NRXN1: variants seen among roughly 807,000 people sequenced by gnomAD.
NRXN1 encodes the protein neurexin-1.
In NRXN1, 39 loss-of-function variants were observed where a neutral mutation model predicts 150.9. That is an observed-to-expected ratio of 0.26 (90% CI 0.20 to 0.34). NRXN1 has a LOEUF of 0.34. NRXN1 is among the 10% of genes least tolerant of loss of function. The probability of loss-of-function intolerance (pLI) is 1.00; values close to 1 mark genes in which losing one functional copy is unlikely to be tolerated. For missense variants in NRXN1, 1,815 were observed against 1,949.9 expected (o/e 0.93, Z 1.30); for synonymous variants, 924 against 757.0 (o/e 1.22, Z -3.62).
chr2:50,679,946 A>C (rs567723071), intron 5 of NRXN1, among the ~76,000 whole-genome samples: 24 of 152,162 alleles, frequency 1.6e-4, no homozygotes, highest in Admixed American at 1.5e-3. Context: ...CAGCCTGGGA[A>C]ACATGGCAAA....
At chr2:50,146,548 A>G (rs1343890767) in intron 18 of NRXN1, among the ~76,000 whole-genome samples, 2 of 151,650 alleles carry the variant, frequency 1.3e-5, no homozygotes, top group Non-Finnish European at 3.0e-5. Flanking sequence ...TTTTTAAATG[A>G]TTATTTTGCC....
chr2:50,392,249 G>A (rs527559225), intron 17 of NRXN1, among the ~76,000 whole-genome samples: 4 of 152,206 alleles, frequency 2.6e-5, no homozygotes, highest in Non-Finnish European at 4.4e-5. Context: ...ACCTTCTCAG[G>A]TAGGCTTTTT....
chr2:50,679,234 G>C lies in NRXN1; in HGVS notation c.833-55619C>G, dbSNP rs192896905. Reference sequence around the variant, plus strand: ...TACCAAGTAGGGACTCCAGGTGATGGGATAGGTTTTGAGCATGGGGAGACA... The same window carrying C: ...TACCAAGTAGGGACTCCAGGTGATGCGATAGGTTTTGAGCATGGGGAGACA... On this transcript the variant is annotated intron_variant, in intron 5 of 22. Transcript: ENST00000401669. 2.0e-5 allele frequency among the ~76,000 whole-genome samples: 3 copies of C among 152,208 alleles called. No individual in the cohort carries two copies. The East Asian group carries it at 5.8e-4, about 29-fold the overall frequency.
chr2:50,527,154 A>G (rs1035282002), intron 12 of NRXN1, among the ~76,000 whole-genome samples: 1 of 152,198 alleles, frequency 6.6e-6, no homozygotes, highest in Non-Finnish European at 1.5e-5. Flanking sequence ...GTAGAGGTCT[A>G]GAAAGGAATA....
At chr2:50,210,966 G>C (rs1347071281) in intron 18 of NRXN1, among the ~76,000 whole-genome samples, 1 of 151,570 alleles carries the variant, frequency 6.6e-6, no homozygotes, top group East Asian at 1.9e-4. Flanking sequence ...ATAGTTACTA[G>C]AAATTCCCAA....
chr2:50,189,105 T>G (rs190645929), intron 18 of NRXN1, among the ~76,000 whole-genome samples: 47 of 152,198 alleles, frequency 3.1e-4, no homozygotes, highest in African/African-American at 1.1e-3. Flanking sequence ...TAGCAAAGAC[T>G]TGGAACCAAC....
chr2:50,001,385 A>G (rs1683898790), intron 21 of NRXN1, among the ~76,000 whole-genome samples: 1 of 152,162 alleles, frequency 6.6e-6, no homozygotes, highest in Non-Finnish European at 1.5e-5. Context: ...AATTAAGGAG[A>G]TGAAGTGAAT....
chr2:50,113,936 T>G (rs937118927), intron 18 of NRXN1, among the ~76,000 whole-genome samples: 1 of 152,162 alleles, frequency 6.6e-6, no homozygotes, highest in East Asian at 1.9e-4. Context: ...TGTGGGATGC[T>G]ATAGAAGATA....
intron 17 of NRXN1, among the ~76,000 whole-genome samples, chr2:50,316,068 A>T (rs889863176): frequency 2.0e-5 from 3 of 152,066 alleles, no homozygotes; most frequent in African/African-American, 7.2e-5. Context: ...TGATTACAGT[A>T]TGGAGAAACA....
intron 18 of NRXN1, 133 bp from the exon 19 acceptor site, chr2:50,091,627 A>C (rs1323679422): frequency 1.6e-5 from 14 of 886,272 alleles, no homozygotes; most frequent in Admixed American, 4.0e-5. Flanking sequence ...CTTCTGAAAA[A>C]CTACATGTAG....
chr2:50,860,485 G>A (rs1675973575), intron 5 of NRXN1, among the ~76,000 whole-genome samples: 1 of 152,064 alleles, frequency 6.6e-6, no homozygotes, highest in Admixed American at 6.6e-5. Flanking sequence ...AAAGATGAAA[G>A]GTGAAAGGTC....
At chr2:50,699,986 C>T (rs764522639) in intron 5 of NRXN1, among the ~76,000 whole-genome samples, 69 of 152,234 alleles carry the variant, frequency 4.5e-4, no homozygotes, top group Non-Finnish European at 4.4e-4. Flanking sequence ...CCTTCTTTAA[C>T]TTACAAATTA....
chr2:50,802,251 G>A (rs572448258), intron 5 of NRXN1, among the ~76,000 whole-genome samples: 1 of 152,010 alleles, frequency 6.6e-6, no homozygotes, highest in African/African-American at 2.4e-5. Context: ...CAGCACTTTG[G>A]GAGGCCGAGG....
intron 5 of NRXN1, among the ~76,000 whole-genome samples, chr2:50,890,501 T>G (rs1419794992): frequency 6.6e-6 from 1 of 151,856 alleles, no homozygotes; most frequent in Non-Finnish European, 1.5e-5. Flanking sequence ...AGATTTTTTT[T>G]AATGTGAATC....
chr2:50,942,222 A>G (rs1689565099), intron 2 of NRXN1, among the ~76,000 whole-genome samples: 1 of 152,196 alleles, frequency 6.6e-6, no homozygotes, highest in South Asian at 2.1e-4. Context: ...CAGAGGATGT[A>G]TGGAAACACC....
rs1241552382 is a variant in NRXN1, at chr2:50,472,458, T to C, written c.3084A>G (p.Ile1028Met). ...TGTATGTTTCTTTAGCTACTCCTCC[T>C]ATATATAAGTCACCTGCAAGAAGAT... The part of the protein sequence containing the change: ...RNLDLKSDLY[I>M]GGVAKETYKS... The change falls in exon 16 of 23, where the codon ATA (isoleucine) becomes ATG (methionine). Residue 1028 changes from isoleucine (I) to methionine (M), a missense_variant. Around this residue, in one of 6 missense-constraint regions of NRXN1, gnomAD observed 339 missense variants for 440.3 expected, o/e 0.77. Transcript: ENST00000401669. 6 of 1,611,224 alleles carry C rather than the reference T, an allele frequency of 3.7e-6. No homozygotes were observed. The highest frequency in any genetic ancestry group is 5.1e-6 in the Non-Finnish European group (6 of 1,178,198).
chr2:50,228,177 A>G (rs2064586544), intron 18 of NRXN1, among the ~76,000 whole-genome samples: 1 of 152,044 alleles, frequency 6.6e-6, no homozygotes, highest in Admixed American at 6.6e-5. Context: ...TTAATAATTT[A>G]TATCATTTAT....
chr2:50,540,622 G>C (rs2093366958), intron 9 of NRXN1, among the ~76,000 whole-genome samples: 1 of 151,986 alleles, frequency 6.6e-6, no homozygotes, highest in Non-Finnish European at 1.5e-5. Flanking sequence ...ATATTATCAT[G>C]GAAAGCAAAG....
At chr2:50,638,826 T>C (rs1683613434) in intron 5 of NRXN1, among the ~76,000 whole-genome samples, 1 of 152,168 alleles carries the variant, frequency 6.6e-6, no homozygotes, top group African/African-American at 2.4e-5. Context: ...ATGATATGCC[T>C]TCCCTACCAA....
Sources: gnomAD v4.1 joint callset for allele counts (sites outside exome capture counted in the v4.1 genomes callset) on GRCh38, gnomAD v4.1.1 for gene constraint, gnomAD v4.1.1 regional missense constraint, MANE v1.5 for transcripts, NCBI Gene and HGNC (gene_info 2026-07-23, HGNC 2026-07-21) for gene names.